SENP6: variants seen among roughly 807,000 people sequenced by gnomAD.
SENP6 encodes sentrin-specific protease 6.
SENP6 carries 41 observed loss-of-function variants against 134.5 expected under a neutral mutation model. The ratio of observed to expected loss-of-function variants is 0.30; its 90% CI spans 0.24 to 0.40. The LOEUF is 0.40. Among genes scored for constraint, SENP6 ranks in the 10% least tolerant of loss-of-function variants. The pLI is 1.00. For missense variants in SENP6, 1,248 were observed against 1,312.5 expected (o/e 0.95, Z 0.76); for synonymous variants, 395 against 429.8 (o/e 0.92, Z 1.00).
chr6:75,666,159 GATATATATATAAAACGTATATATGAT>G (rs1271761759), intron 9 of SENP6, among the ~76,000 whole-genome samples: 1 of 119,684 alleles, frequency 8.4e-6, no homozygotes, highest in South Asian at 2.6e-4. Flanking sequence ...AAACATATAT[GATATATATATAAAACGTATATATGAT>G]ATATATAAAA....
intron 10 of SENP6, among the ~76,000 whole-genome samples, chr6:75,667,485 G>A (rs948043088): frequency 3.3e-5 from 5 of 152,144 alleles, no homozygotes; most frequent in Non-Finnish European, 7.4e-5. Flanking sequence ...GAAAATTCAT[G>A]TAGTAAACTA....
At chr6:75,647,543 A>T in intron 6 of SENP6, 188 bp from the exon 7 acceptor site, 1 of 382,204 alleles carries the variant, frequency 2.6e-6, no homozygotes, top group South Asian at 3.9e-5. Flanking sequence ...CAACTAAAAA[A>T]TACAGTAAAA....
At chr6:75,697,380 C>G in intron 17 of SENP6, 45 bp from the exon 18 acceptor site, 1 of 1,308,228 alleles carries the variant, frequency 7.6e-7, no homozygotes, top group East Asian at 2.3e-5. Context: ...TAAGCTGGAG[C>G]ACTAGAAATA....
chr6:75,713,384 T>C, intron 21 of SENP6, 129 bp from the exon 22 acceptor site: 2 of 685,338 alleles, frequency 2.9e-6, no homozygotes. Context: ...TTTCCCTCAG[T>C]AGTACTGAGT....
intron 1 of SENP6, among the ~76,000 whole-genome samples, chr6:75,606,274 T>G (rs755203775): frequency 6.6e-6 from 1 of 152,212 alleles, no homozygotes; most frequent in Non-Finnish European, 1.5e-5. Context: ...CACACTAAAA[T>G]TGTATGGATT....
chr6:75,652,235 T>G (rs1195260365), intron 7 of SENP6, among the ~76,000 whole-genome samples: 2 of 151,898 alleles, frequency 1.3e-5, no homozygotes, highest in Non-Finnish European at 2.9e-5. Context: ...CTTACAACTT[T>G]TTTTTGACCT....
intron 16 of SENP6, among the ~76,000 whole-genome samples, chr6:75,687,811 G>A (rs537833156): frequency 1.3e-5 from 2 of 152,126 alleles, no homozygotes; most frequent in Non-Finnish European, 2.9e-5. Flanking sequence ...GGTGTCTGTC[G>A]GCCCCTACTG....
chr6:75,641,813 A>G (rs1349672983), intron 6 of SENP6, among the ~76,000 whole-genome samples: 1 of 152,154 alleles, frequency 6.6e-6, no homozygotes, highest in Non-Finnish European at 1.5e-5. Context: ...CCCTGTCTCT[A>G]CAAAAAAATA....
At chr6:75,684,413 A>G (rs980169570) in intron 16 of SENP6, among the ~76,000 whole-genome samples, 79 of 152,226 alleles carry the variant, frequency 5.2e-4, no homozygotes, top group African/African-American at 1.4e-3. Context: ...TGATTGCCCT[A>G]GCCAGAACTT....
intron 5 of SENP6, 161 bp downstream of exon 5, chr6:75,634,972 T>C: frequency 2.9e-6 from 2 of 682,874 alleles, no homozygotes; most frequent in Non-Finnish European, 5.4e-6. Context: ...TTATACTATT[T>C]TATATCTGCT....
chr6:75,627,473 A>G (rs925749189), intron 3 of SENP6, among the ~76,000 whole-genome samples: 6 of 152,138 alleles, frequency 3.9e-5, no homozygotes, highest in Non-Finnish European at 7.3e-5. Flanking sequence ...GTAGATGAAA[A>G]TAAGATGTGA....
chr6:75,654,987 C>T (rs1771200027), intron 7 of SENP6: 1 of 152,174 alleles, frequency 6.6e-6, no homozygotes, highest in Non-Finnish European at 1.5e-5. Context: ...TTGTAGACGC[C>T]TGGTATACTT....
intron 8 of SENP6, among the ~76,000 whole-genome samples, chr6:75,660,664 G>C (rs1771704855): frequency 6.6e-6 from 1 of 150,922 alleles, no homozygotes; most frequent in Non-Finnish European, 1.5e-5. Context: ...ATGGAGTCTT[G>C]CTCTGTCACC....
At chr6:75,690,345 A>G (rs1774153014) in intron 16 of SENP6, among the ~76,000 whole-genome samples, 1 of 152,228 alleles carries the variant, frequency 6.6e-6, no homozygotes. Context: ...ATAATGCAAT[A>G]TGTATACATT....
chr6:75,663,355 C>T lies in SENP6; in HGVS notation c.831C>T (p.Gly277=), dbSNP rs894532599. ...GATTAACAACCAAGAAGTTTTATGG[C>T]AACAATGTGGAAAAGGTTCCAATTG... is the stretch of plus-strand genomic sequence containing the variant. ...NTGLTTKKFY[G]NNVEKVPIDI... is the part of the protein sequence containing the mutation. The change falls in exon 9 of 24, where the codon GGC becomes GGT. Residue 277 remains glycine, a synonymous_variant. Transcript: ENST00000447266. 2 of 1,613,552 alleles carry T rather than the reference C, an allele frequency of 1.2e-6. No homozygotes were observed. The highest frequency in any genetic ancestry group is 1.7e-6 in the Non-Finnish European group (2 of 1,179,848).
At position 75,649,674 on chromosome 6, in the gene SENP6, G is replaced by A. The variant is rs576581435; in HGVS notation, c.550+1873G>A. Among the ~76,000 whole-genome samples the A allele has an allele frequency of 7.2e-5, 11 of 152,110 alleles. No individual in the cohort carries two copies. In the East Asian group the frequency reaches 1.9e-3, roughly 27 times the overall value. On this transcript the variant is annotated intron_variant, in intron 7 of 23. Coordinates refer to ENST00000447266, the MANE Select transcript of SENP6 (RefSeq NM_015571.4). ...TGGGATTACAGGCGCCTGCCACCAA[G>A]CCCAGCTAATTTTTGTATTGTTAAT...
intron 6 of SENP6, among the ~76,000 whole-genome samples, chr6:75,643,391 G>A (rs1480651297): frequency 1.3e-5 from 2 of 152,196 alleles, no homozygotes; most frequent in Admixed American, 6.5e-5. Context: ...AGCATGAGTG[G>A]AATTTTAATT....
At chr6:75,689,411 TAAAAC>T (rs1255828135) in intron 16 of SENP6, among the ~76,000 whole-genome samples, 3 of 151,650 alleles carry the variant, frequency 2.0e-5, no homozygotes, top group Admixed American at 6.6e-5. Context: ...TGGCTACTAT[TAAAAC>T]AAAAACAAAA....
At chr6:75,636,352 A>AT (rs1239662375) in intron 5 of SENP6, among the ~76,000 whole-genome samples, 17 of 152,340 alleles carry the variant, frequency 1.1e-4, no homozygotes, top group African/African-American at 4.1e-4. Flanking sequence ...CTGTATAAGA[A>AT]TAAGCATTTC....
Sources: allele counts gnomAD v4.1 joint callset (sites outside exome capture counted in the v4.1 genomes callset), GRCh38; gene constraint gnomAD v4.1.1; transcripts MANE v1.5; gene names NCBI Gene and HGNC (gene_info 2026-07-23, HGNC 2026-07-21).